ATRNL1: variants seen among roughly 807,000 people sequenced by gnomAD.
The protein encoded by ATRNL1 is attractin-like protein 1.
A neutral mutation model predicts 182.7 loss-of-function variants in ATRNL1; 95 were observed. The observed-to-expected ratio is 0.52, with a 90% CI of 0.44 to 0.62. ATRNL1 has a LOEUF of 0.62. Among genes scored for constraint, ATRNL1 ranks in the 20% least tolerant of loss-of-function variants. The pLI, the probability that ATRNL1 is intolerant of heterozygous loss-of-function variation, is 0.00. For missense variants in ATRNL1, 1,471 were observed against 1,679.5 expected (o/e 0.88, Z 2.17); for synonymous variants, 576 against 568.3 (o/e 1.01, Z -0.19).
At chr10:115,451,572 G>A (rs1847283147) in intron 21 of ATRNL1, among the ~76,000 whole-genome samples, 1 of 152,054 alleles carries the variant, frequency 6.6e-6, no homozygotes, top group South Asian at 2.1e-4. Context: ...ACCATCTCAT[G>A]CCAGTCAGAA....
chr10:115,171,007 A>G lies in ATRNL1; in HGVS notation c.1093-30A>G, dbSNP rs1554885373. On this transcript the variant is annotated intron_variant, in intron 7 of 28. Coordinates refer to ENST00000355044, the MANE Select transcript of ATRNL1 (RefSeq NM_207303.4). Reference sequence around the variant, plus strand: ...ATGTGTTAAGATATAACATTATTTTATCTATTAATATATGTATTTTAATTT... The same window carrying G: ...ATGTGTTAAGATATAACATTATTTTGTCTATTAATATATGTATTTTAATTT... 6.4e-6 allele frequency: 8 copies of G among 1,257,878 alleles called. No individual in the cohort carries two copies. In the East Asian group the frequency reaches 7.9e-5, roughly 12 times the overall value. 77.9% of individuals were successfully genotyped at this position (1,257,878 alleles called of 1,614,324 possible).
At chr10:115,701,129 A>G (rs1239442414) in intron 26 of ATRNL1, among the ~76,000 whole-genome samples, 1 of 152,146 alleles carries the variant, frequency 6.6e-6, no homozygotes, top group Non-Finnish European at 1.5e-5. Context: ...TTGGAATAAA[A>G]GTAGAAATCA....
Position 115,669,249 on chromosome 10 carries a change from G to T in ATRNL1, c.3796-57999G>T, listed in dbSNP as rs539833522. On this transcript the variant is annotated intron_variant, in intron 26 of 28. Transcript: ENST00000355044. ...TGAAAATCTGAATTTTTACTTTTTTGCTCATTTTTCTGACAGAATATGATA... is the reference window on the plus strand; with the variant it reads ...TGAAAATCTGAATTTTTACTTTTTTTCTCATTTTTCTGACAGAATATGATA... Among the ~76,000 whole-genome samples, 11 of 151,914 alleles carry T rather than the reference G, an allele frequency of 7.2e-5. No homozygotes were observed. The East Asian group carries it at 9.7e-4, about 13-fold the overall frequency.
chr10:115,219,815 AT>A (rs1849376984), intron 9 of ATRNL1, among the ~76,000 whole-genome samples: 1 of 152,042 alleles, frequency 6.6e-6, no homozygotes, highest in African/African-American at 2.4e-5. Flanking sequence ...AGGTGGAAGG[AT>A]TGCTTGAACC....
At chr10:115,690,304 C>A (rs895135579) in intron 26 of ATRNL1, among the ~76,000 whole-genome samples, 1 of 152,018 alleles carries the variant, frequency 6.6e-6, no homozygotes, top group Non-Finnish European at 1.5e-5. Context: ...GGGGGAGATA[C>A]TTTCAGGATG....
chr10:115,605,648 T>G (rs1226016897), intron 26 of ATRNL1, among the ~76,000 whole-genome samples: 1 of 152,028 alleles, frequency 6.6e-6, no homozygotes, highest in African/African-American at 2.4e-5. Flanking sequence ...CATCTTGTAT[T>G]TCAGCATATT....
At chr10:115,438,683 A>C (rs1295968044) in intron 21 of ATRNL1, among the ~76,000 whole-genome samples, 1 of 152,006 alleles carries the variant, frequency 6.6e-6, no homozygotes, top group Non-Finnish European at 1.5e-5. Context: ...CTGCTAGACC[A>C]GTATTGACTA....
intron 19 of ATRNL1, among the ~76,000 whole-genome samples, chr10:115,377,108 A>G (rs1857717404): frequency 6.6e-6 from 1 of 152,008 alleles, no homozygotes; most frequent in Non-Finnish European, 1.5e-5. Context: ...TTGTTCATGC[A>G]TTATTTTTAT....
chr10:115,171,103 GT>G lies in ATRNL1; in HGVS notation c.1164del (p.Phe388LeufsTer41). 6.3e-7 allele frequency: 1 copy of G among 1,599,466 alleles called. No homozygotes were observed. Among genetic ancestry groups the G allele is most frequent in the Non-Finnish European group, 8.5e-7 (1 of 1,171,290 alleles). ...NDGNVTDELW[V>X]FNIHSQSWST... ...TGGCAATGTCACAGATGAATTATGG[GT>G]TTTTAACATACATAGTCAGTCATGG... On this transcript the variant is annotated frameshift_variant, in exon 8 of 29. Transcript: ENST00000355044. LOFTEE classifies it high-confidence loss of function.
At chr10:115,412,678 T>A (rs1845201207) in intron 20 of ATRNL1, among the ~76,000 whole-genome samples, 1 of 152,174 alleles carries the variant, frequency 6.6e-6, no homozygotes, top group Non-Finnish European at 1.5e-5. Context: ...AGATATTTTC[T>A]TGAATGGGGA....
At chr10:115,523,431 C>G (rs1186344786) in intron 25 of ATRNL1, among the ~76,000 whole-genome samples, 1 of 152,142 alleles carries the variant, frequency 6.6e-6, no homozygotes, top group Non-Finnish European at 1.5e-5. Context: ...CAGCACTCTT[C>G]TGAAAACACT....
intron 26 of ATRNL1, among the ~76,000 whole-genome samples, chr10:115,581,692 G>T (rs12765024): frequency 1.3e-5 from 2 of 151,690 alleles, no homozygotes; most frequent in Non-Finnish European, 2.9e-5. Context: ...AGGTAAACAG[G>T]TCTTCCATTC....
intron 27 of ATRNL1, among the ~76,000 whole-genome samples, chr10:115,795,607 C>G (rs1284252087): frequency 1.3e-5 from 2 of 152,054 alleles, no homozygotes; most frequent in Non-Finnish European, 2.9e-5. Context: ...CTGGGGAGAC[C>G]TCAGGAAACT....
intron 27 of ATRNL1, among the ~76,000 whole-genome samples, chr10:115,786,974 T>A (rs1949412033): frequency 1.3e-5 from 2 of 152,222 alleles, no homozygotes; most frequent in Non-Finnish European, 2.9e-5. Flanking sequence ...GATTAATATG[T>A]CTGCCTGCTA....
At chr10:115,512,772 T>G (rs1850453264) in intron 24 of ATRNL1, among the ~76,000 whole-genome samples, 1 of 151,918 alleles carries the variant, frequency 6.6e-6, no homozygotes, top group Non-Finnish European at 1.5e-5. Flanking sequence ...TATACAATAC[T>G]ATAGAGTAAG....
chr10:115,181,896 T>G (rs1196522250), intron 8 of ATRNL1, among the ~76,000 whole-genome samples: 1 of 151,654 alleles, frequency 6.6e-6, no homozygotes. Context: ...TTGAAAGATC[T>G]TTCGCAGTAA....
chr10:115,251,520 C>T (rs1295119377), intron 10 of ATRNL1, among the ~76,000 whole-genome samples: 2 of 152,144 alleles, frequency 1.3e-5, no homozygotes, highest in Non-Finnish European at 2.9e-5. Flanking sequence ...AGTTCTGTTA[C>T]AGTTGCTCCT....
intron 28 of ATRNL1, among the ~76,000 whole-genome samples, chr10:115,892,654 C>T (rs563058377): frequency 6.6e-6 from 1 of 152,038 alleles, no homozygotes; most frequent in Non-Finnish European, 1.5e-5. Flanking sequence ...CTCAAGCCAC[C>T]CATCTTATTA....
intron 19 of ATRNL1, among the ~76,000 whole-genome samples, chr10:115,337,213 A>G (rs1554937017): frequency 1.3e-5 from 2 of 152,054 alleles, no homozygotes; most frequent in Admixed American, 1.3e-4. Flanking sequence ...TTGTGGGTAC[A>G]TAGTAGGTGT....
Sources: allele counts gnomAD v4.1 joint callset (sites outside exome capture counted in the v4.1 genomes callset), GRCh38; gene constraint gnomAD v4.1.1; transcripts MANE v1.5; gene names NCBI Gene and HGNC (gene_info 2026-07-23, HGNC 2026-07-21).